The following TRIP12 variants were observed in gnomAD, a reference collection of about 807,000 sequenced individuals.
TRIP12 encodes thyroid hormone receptor interactor 12, also known as E3 ubiquitin-protein ligase TRIP12.
Under a neutral mutation model 244.2 loss-of-function variants are expected in TRIP12, and 25 were observed. The observed-to-expected ratio is 0.10, with a 90% confidence interval of 0.07 to 0.14. The LOEUF (loss-of-function observed/expected upper bound fraction) is 0.14, where lower values mean the gene tolerates loss of function less well. Among genes scored for constraint, TRIP12 ranks in the 10% least tolerant of loss-of-function variants. The pLI is 1.00. For missense variants in TRIP12, 1,677 were observed against 2,486.4 expected (o/e 0.67, Z 6.92); for synonymous variants, 905 against 873.1 (o/e 1.04, Z -0.64).
intron 18 of TRIP12, among the ~76,000 whole-genome samples, chr2:229,804,544 C>T (rs574617188): frequency 2.0e-5 from 3 of 152,126 alleles, no homozygotes; most frequent in Non-Finnish European, 2.9e-5. Context: ...AAATCCAATC[C>T]TAACCAACCA....
At chr2:229,797,581 T>G (rs2043134105) in intron 24 of TRIP12, 109 bp downstream of exon 24, 1 of 1,383,704 alleles carries the variant, frequency 7.2e-7, no homozygotes, top group South Asian at 1.5e-5. Flanking sequence ...TAAAAGTCGA[T>G]GTAGGATAGC....
In TRIP12 at chr2:229,769,471, T is replaced by TA. The variant is rs1229337735; in HGVS notation, c.5809-147dup. The TA allele has an allele frequency of 1.2e-5, 4 of 331,862 alleles. No individual in the cohort carries two copies. In the East Asian group the frequency reaches 1.5e-4, roughly 12 times the overall value. The allele number at this position is 331,862 out of a possible 1,614,324, so 20.6% of individuals were successfully genotyped here. A position where few individuals can be genotyped will look rare whatever the true frequency, so the allele number is the denominator to read the frequency against. ...GGACCTCTTTCCAAAAAAAAAAAAA[T>TA]AATAATAAAATAAAATAAAATTTAG... On this transcript the variant is annotated intron_variant, in intron 39 of 41. Coordinates refer to ENST00000675903, the MANE Select transcript of TRIP12 (RefSeq NM_001348323.3).
At chr2:229,776,398 T>C (rs531215223) in intron 37 of TRIP12, among the ~76,000 whole-genome samples, 2 of 152,298 alleles carry the variant, frequency 1.3e-5, no homozygotes, top group Admixed American at 1.3e-4. Context: ...ACAAATTCTG[T>C]ACAGAAAAGG....
intron 7 of TRIP12, among the ~76,000 whole-genome samples, 153 bp downstream of exon 7, chr2:229,830,600 AATC>A (rs2053089018): frequency 6.6e-6 from 1 of 152,212 alleles, no homozygotes. Flanking sequence ...TCCAATTCCA[AATC>A]ATGAAATTGC....
At position 229,915,252 on chromosome 2, in the gene TRIP12, CA is replaced by C. The variant is rs952704384; in HGVS notation, c.-50+6627del. Among the ~76,000 whole-genome samples, 9 of 147,432 alleles carry C rather than the reference CA, an allele frequency of 6.1e-5. No individual in the cohort carries two copies. In the East Asian group the frequency reaches 7.9e-4, roughly 13 times the overall value. The stretch of plus-strand genomic sequence containing the variant: ...TGGACAACACAGCGAAACTCAATCT[CA>C]AAAAAAAAACTTATTTAGGTCCTCA... On this transcript the variant is annotated intron_variant, in intron 1 of 41. Transcript: ENST00000675903.
At chr2:229,871,153 A>T (rs927898948) in intron 2 of TRIP12, among the ~76,000 whole-genome samples, 6 of 150,440 alleles carry the variant, frequency 4.0e-5, no homozygotes, top group African/African-American at 1.5e-4. Flanking sequence ...CAGCCTGGGC[A>T]ACAGAGCAAG....
At chr2:229,868,655 C>T (rs1350396813) in intron 2 of TRIP12, among the ~76,000 whole-genome samples, 1 of 151,348 alleles carries the variant, frequency 6.6e-6, no homozygotes, top group African/African-American at 2.4e-5. Flanking sequence ...AATGAGAGGA[C>T]AAAAAAAGAG....
chr2:229,775,911 T>A (rs1485129212), intron 37 of TRIP12, among the ~76,000 whole-genome samples: 1 of 152,040 alleles, frequency 6.6e-6, no homozygotes, highest in Non-Finnish European at 1.5e-5. Context: ...ACTCATTTTA[T>A]ATTTTTAAAC....
intron 2 of TRIP12, among the ~76,000 whole-genome samples, chr2:229,863,238 A>AAAAG (rs1309475716): frequency 2.0e-5 from 3 of 151,902 alleles, no homozygotes; most frequent in African/African-American, 7.3e-5. Flanking sequence ...CGAAAAAAAA[A>AAAAG]AAAGAAAGAA....
In TRIP12 at chr2:229,814,976, G is replaced by A. The variant is rs2048144478; in HGVS notation, c.1731+123C>T. ...TCACCTTCAAACTATTGATCTGCTG[G>A]ACATAAAACATTTCTCGGGCTAAAA... On this transcript the variant is annotated intron_variant, in intron 11 of 41. Coordinates refer to ENST00000675903, the MANE Select transcript of TRIP12 (RefSeq NM_001348323.3). 13 of 719,452 alleles carry A rather than the reference G, an allele frequency of 1.8e-5. No individual in the cohort carries two copies. In the South Asian group the frequency reaches 2.5e-4, roughly 14 times the overall value. The allele number at this position is 719,452 out of a possible 1,614,324, so 44.6% of individuals were successfully genotyped here. A position where few individuals can be genotyped will look rare whatever the true frequency, so the allele number is the denominator to read the frequency against.
intron 2 of TRIP12, among the ~76,000 whole-genome samples, chr2:229,867,917 C>A (rs1013675986): frequency 6.6e-6 from 1 of 152,160 alleles, no homozygotes; most frequent in African/African-American, 2.4e-5. Flanking sequence ...AAATTTAACA[C>A]GGGTACTACT....
chr2:229,864,025 A>G (rs2060941406), intron 2 of TRIP12, among the ~76,000 whole-genome samples: 1 of 141,094 alleles, frequency 7.1e-6, no homozygotes, highest in African/African-American at 2.8e-5. Context: ...AGAGAGAGAG[A>G]GAGAGAGAGA....
At position 229,802,239 on chromosome 2, in the gene TRIP12, A is replaced by G. The variant is rs745785892; in HGVS notation, c.3206+13T>C. 2.0e-5 allele frequency: 31 copies of G among 1,574,934 alleles called. No homozygotes were observed. Among genetic ancestry groups the G allele is most frequent in the Non-Finnish European group, 2.6e-5 (30 of 1,154,318 alleles). ...AGCAAAGAAATAAAAATCACAACAC[A>G]ATTCTTACTTACCCTTGAGGGCTGA... On this transcript the variant is annotated intron_variant, in intron 21 of 41. Coordinates refer to ENST00000675903, the MANE Select transcript of TRIP12 (RefSeq NM_001348323.3).
At chr2:229,824,760 T>C (rs1019187693) in intron 8 of TRIP12, among the ~76,000 whole-genome samples, 1 of 152,206 alleles carries the variant, frequency 6.6e-6, no homozygotes, top group Non-Finnish European at 1.5e-5. Flanking sequence ...TATAGATATT[T>C]ATGGATTTTT....
At chr2:229,805,614 T>A in intron 18 of TRIP12, 116 bp downstream of exon 18, 2 of 1,071,556 alleles carry the variant, frequency 1.9e-6, no homozygotes, top group Non-Finnish European at 2.5e-6. Flanking sequence ...ACCAAATTAT[T>A]GTTATGCAAT....
chr2:229,792,595 T>C lies in TRIP12; in HGVS notation c.4142-369A>G, dbSNP rs374671869. ...CAGGTGTGGAGTCTTCCACTTGCGA[T>C]GTTCACGGCAACAATCAAAGTTTCA... is the stretch of plus-strand genomic sequence containing the variant. On this transcript the variant is annotated intron_variant, in intron 27 of 41. Coordinates refer to ENST00000675903, the MANE Select transcript of TRIP12 (RefSeq NM_001348323.3). Among the ~76,000 whole-genome samples the C allele has an allele frequency of 1.4e-4, 21 of 152,200 alleles. No individual in the cohort carries two copies. In the East Asian group the frequency reaches 1.5e-3, roughly 11 times the overall value.
chr2:229,840,855 C>T lies in TRIP12; in HGVS notation c.1100G>A (p.Arg367His). Residue 367 changes from arginine to histidine, a missense_variant, in exon 5 of 42, where the codon CGC becomes CAC. By Grantham distance (29) the Arg-to-His change is conservative. Transcript: ENST00000675903. ...AGCACAGGAGCCCGTGGTCTTTTGGCGTGTGCTCCGCCTCAAACTGGGGAG... is the reference window on the plus strand; with the variant it reads ...AGCACAGGAGCCCGTGGTCTTTTGGTGTGTGCTCCGCCTCAAACTGGGGAG... ...AELPSLRRST[R>H]QKTTGSCAST... The T allele has an allele frequency of 2.5e-6, 4 of 1,606,728 alleles. No individual in the cohort carries two copies. Among genetic ancestry groups the T allele is most frequent in the Non-Finnish European group, 3.4e-6 (4 of 1,178,036 alleles).
At chr2:229,818,038 G>A in intron 9 of TRIP12, among the ~76,000 whole-genome samples, 1 of 151,946 alleles carries the variant, frequency 6.6e-6, no homozygotes, top group Non-Finnish European at 1.5e-5. Context: ...ATTGCTCCGT[G>A]GATCACCAGG....
At chr2:229,781,416 T>A (rs1458963218) in intron 34 of TRIP12, among the ~76,000 whole-genome samples, 1 of 152,226 alleles carries the variant, frequency 6.6e-6, no homozygotes. Flanking sequence ...GCAGCTCATT[T>A]TATCATTCTA....
Sources: allele counts gnomAD v4.1 joint callset (sites outside exome capture counted in the v4.1 genomes callset), GRCh38; gene constraint gnomAD v4.1.1; transcripts MANE v1.5; gene names NCBI Gene and HGNC (gene_info 2026-07-23, HGNC 2026-07-21).